The following CSMD2 variants were observed in gnomAD, a reference collection of about 807,000 sequenced individuals.
CSMD2 encodes the protein CUB and Sushi multiple domains 2, also known as CUB and sushi domain-containing protein 2.
A neutral mutation model predicts 398.5 loss-of-function variants in CSMD2; 130 were observed. The observed-to-expected ratio is 0.33, with a 90% CI of 0.28 to 0.38. The LOEUF (loss-of-function observed/expected upper bound fraction) is 0.38, where lower values mean the gene tolerates loss of function less well. CSMD2 is among the 10% of genes least tolerant of loss of function. CSMD2 has a pLI of 1.00. For missense variants in CSMD2, 3,829 were observed against 4,764.9 expected (o/e 0.80, Z 5.78); for synonymous variants, 1,828 against 1,908.5 (o/e 0.96, Z 1.10).
intron 2 of CSMD2, among the ~76,000 whole-genome samples, chr1:34,046,812 G>C (rs929830395): frequency 2.0e-5 from 3 of 152,100 alleles, no homozygotes; most frequent in Non-Finnish European, 4.4e-5. Flanking sequence ...AAATGCCTAA[G>C]ACGTGGACTC....
intron 10 of CSMD2, among the ~76,000 whole-genome samples, chr1:33,801,518 G>C (rs999842598): frequency 9.9e-5 from 15 of 152,164 alleles, no homozygotes; most frequent in African/African-American, 3.6e-4. Flanking sequence ...TCCTCCAACA[G>C]TCACTCACAT....
At chr1:33,816,188 C>T (rs1266026694) in intron 9 of CSMD2, among the ~76,000 whole-genome samples, 2 of 152,020 alleles carry the variant, frequency 1.3e-5, no homozygotes, top group East Asian at 3.8e-4. Context: ...TTCTAGCCAC[C>T]CAAAGGCATA....
intron 1 of CSMD2, among the ~76,000 whole-genome samples, chr1:34,134,177 T>G (rs999968849): frequency 6.6e-6 from 1 of 151,826 alleles, no homozygotes; most frequent in African/African-American, 2.4e-5. Context: ...TCTTGGTGCC[T>G]CCATCACATT....
In CSMD2 at chr1:33,788,716, G is replaced by A; in HGVS notation, c.1551-4C>T. ...CGGGACCGATGTACCTGTCAGGCTG[G>A]CAGGAGAGAGATATTTAGAGGTGTG... On this transcript the variant is annotated splice_polypyrimidine_tract_variant and splice_region_variant and intron_variant, in intron 11 of 70. Coordinates refer to ENST00000373381, the MANE Select transcript of CSMD2 (RefSeq NM_001281956.2). 2 of 1,561,022 alleles carry A rather than the reference G, an allele frequency of 1.3e-6. No homozygotes were observed. Among genetic ancestry groups the A allele is most frequent in the Non-Finnish European group, 1.8e-6 (2 of 1,131,626 alleles).
chr1:33,556,845 T>TC (rs1158519940), intron 55 of CSMD2, among the ~76,000 whole-genome samples: 1 of 152,136 alleles, frequency 6.6e-6, no homozygotes, highest in Non-Finnish European at 1.5e-5. Context: ...CATTCTTCTC[T>TC]CCCCTGCCAC....
intron 3 of CSMD2, among the ~76,000 whole-genome samples, chr1:34,001,306 C>A: frequency 6.6e-6 from 1 of 152,112 alleles, no homozygotes; most frequent in East Asian, 1.9e-4. Flanking sequence ...AGTTGAATTT[C>A]AAGATCAAAA....
intron 25 of CSMD2, among the ~76,000 whole-genome samples, chr1:33,690,087 C>T (rs908014878): frequency 1.4e-4 from 21 of 152,156 alleles, no homozygotes; most frequent in Middle Eastern, 3.2e-3. Flanking sequence ...CGTCCCACTC[C>T]GCCCATTCTC....
At chr1:33,547,071 C>T (rs959921872) in intron 56 of CSMD2, among the ~76,000 whole-genome samples, 10 of 152,106 alleles carry the variant, frequency 6.6e-5, no homozygotes, top group African/African-American at 2.4e-4. Context: ...TAAGGATTCC[C>T]TACTCACAAA....
chr1:33,883,131 T>C (rs1456842600), intron 5 of CSMD2, among the ~76,000 whole-genome samples: 1 of 152,234 alleles, frequency 6.6e-6, no homozygotes, highest in Non-Finnish European at 1.5e-5. Context: ...CTCCTGCAAC[T>C]ACCCATTGGT....
chr1:34,140,301 C>CAAA (rs1553330772), intron 1 of CSMD2, among the ~76,000 whole-genome samples: 1 of 144,126 alleles, frequency 6.9e-6, no homozygotes. Context: ...TGCAAAAAAA[C>CAAA]AAACAAACAA....
intron 2 of CSMD2, among the ~76,000 whole-genome samples, chr1:34,067,413 A>G (rs557601843): frequency 6.6e-6 from 1 of 152,168 alleles, no homozygotes; most frequent in Non-Finnish European, 1.5e-5. Flanking sequence ...TGGGGGGTGC[A>G]TTCTTACATG....
intron 28 of CSMD2, among the ~76,000 whole-genome samples, chr1:33,648,218 C>T (rs1485809968): frequency 6.6e-6 from 1 of 152,032 alleles, no homozygotes; most frequent in African/African-American, 2.4e-5. Context: ...AAAAATTAGC[C>T]AGGCGTGGTG....
chr1:33,963,067 A>G lies in CSMD2; in HGVS notation c.518-27113T>C, dbSNP rs183602210. On this transcript the variant is annotated intron_variant, in intron 3 of 70. Coordinates refer to ENST00000373381, the MANE Select transcript of CSMD2 (RefSeq NM_001281956.2). ...AGGTGTCACCTGCCTGAGAGTGCAGATCTTGCTGTCAAAAGATTGAGAGTC... is the reference window on the plus strand; with the variant it reads ...AGGTGTCACCTGCCTGAGAGTGCAGGTCTTGCTGTCAAAAGATTGAGAGTC... Among the ~76,000 whole-genome samples, 104 of 152,360 alleles carry G rather than the reference A, an allele frequency of 6.8e-4. 1 individual carries two copies. Among genetic ancestry groups the G allele is most frequent in the Admixed American group, 2.0e-3 (30 of 15,314 alleles).
At chr1:33,991,918 T>A (rs74744327) in intron 3 of CSMD2, among the ~76,000 whole-genome samples, 1 of 150,032 alleles carries the variant, frequency 6.7e-6, no homozygotes, top group East Asian at 2.0e-4. Flanking sequence ...GCAGGAGATA[T>A]GAACAGGTAA....
chr1:34,132,055 C>T (rs953458070), intron 1 of CSMD2, among the ~76,000 whole-genome samples: 2 of 152,102 alleles, frequency 1.3e-5, no homozygotes, highest in African/African-American at 4.8e-5. Context: ...AAAAACAGCA[C>T]ACACCCAAGC....
chr1:34,108,551 T>C (rs965312572), intron 1 of CSMD2, among the ~76,000 whole-genome samples: 1 of 152,206 alleles, frequency 6.6e-6, no homozygotes, highest in African/African-American at 2.4e-5. Context: ...GGGAGGCTGT[T>C]TCTTCTGCTC....
intron 68 of CSMD2, among the ~76,000 whole-genome samples, chr1:33,520,712 T>A: frequency 6.6e-6 from 1 of 152,166 alleles, no homozygotes; most frequent in East Asian, 1.9e-4. Context: ...CCAGAGAAGC[T>A]TTCAGGAGCT....
chr1:33,907,008 C>T (rs1390753039), intron 5 of CSMD2, among the ~76,000 whole-genome samples: 4 of 151,600 alleles, frequency 2.6e-5, no homozygotes, highest in East Asian at 3.9e-4. Context: ...TAAAGTAATG[C>T]AGAAATGTCC....
chr1:33,895,696 G>A (rs1642340781), intron 5 of CSMD2, among the ~76,000 whole-genome samples: 1 of 152,136 alleles, frequency 6.6e-6, no homozygotes, highest in African/African-American at 2.4e-5. Context: ...GGCTACACTG[G>A]CCGCCCTCCA....
Sources: allele counts gnomAD v4.1 joint callset (sites outside exome capture counted in the v4.1 genomes callset), GRCh38; gene constraint gnomAD v4.1.1; transcripts MANE v1.5; gene names NCBI Gene and HGNC (gene_info 2026-07-23, HGNC 2026-07-21).